UNC13C: variants seen among roughly 807,000 people sequenced by gnomAD.
UNC13C encodes protein unc-13 homolog C.
Under a neutral mutation model 245.4 loss-of-function variants are expected in UNC13C, and 174 were observed. The ratio of observed to expected loss-of-function variants is 0.71; its 90% confidence interval spans 0.63 to 0.80. The LOEUF (loss-of-function observed/expected upper bound fraction) is 0.80. Ranked by LOEUF, UNC13C falls within the 30% of genes least tolerant of loss-of-function variation. The pLI is 0.00. For synonymous variants in UNC13C, 992 were observed against 895.1 expected, an observed-to-expected ratio of 1.11 and a Z score of -1.93; for missense variants, 2,829 against 2,602.9, an observed-to-expected ratio of 1.09 and a Z score of -1.89.
At chr15:54,603,508 C>T (rs1290555738) in intron 30 of UNC13C, among the ~76,000 whole-genome samples, 1 of 152,140 alleles carries the variant, frequency 6.6e-6, no homozygotes, top group Admixed American at 6.6e-5. Context: ...TTGTTTAATA[C>T]TCCAGTGTGG....
chr15:54,079,263 CT>C (rs1302978076), intron 2 of UNC13C, among the ~76,000 whole-genome samples: 1 of 151,906 alleles, frequency 6.6e-6, no homozygotes, highest in Non-Finnish European at 1.5e-5. Flanking sequence ...TGGCTTTGTT[CT>C]TTTTTGCGTA....
At chr15:53,990,680 A>C (rs1894346038) in intron 1 of UNC13C, among the ~76,000 whole-genome samples, 1 of 152,028 alleles carries the variant, frequency 6.6e-6, no homozygotes, top group Non-Finnish European at 1.5e-5. Context: ...GAACCTCTAG[A>C]GCCATCTTGC....
chr15:53,956,836 T>C, the UNC13C span, among the ~76,000 whole-genome samples: 1 of 150,880 alleles, frequency 6.6e-6, no homozygotes, highest in Non-Finnish European at 1.5e-5. Flanking sequence ...GGGAGCATTG[T>C]TGGCTGGGTT....
At chr15:54,270,784 T>C (rs931190411) in intron 10 of UNC13C, among the ~76,000 whole-genome samples, 2 of 152,100 alleles carry the variant, frequency 1.3e-5, no homozygotes, top group Admixed American at 6.6e-5. Context: ...AAAGCTCAGA[T>C]GGGTTGTAGT....
chr15:54,260,543 T>A (rs775056604), intron 8 of UNC13C, among the ~76,000 whole-genome samples: 6 of 149,732 alleles, frequency 4.0e-5, no homozygotes, highest in Non-Finnish European at 8.9e-5. Flanking sequence ...TATGTATACA[T>A]ATATTCTATA....
intron 29 of UNC13C, among the ~76,000 whole-genome samples, chr15:54,558,948 A>C (rs1022959551): frequency 1.3e-5 from 2 of 151,952 alleles, no homozygotes; most frequent in African/African-American, 4.8e-5. Flanking sequence ...GATTCCCCTA[A>C]ATGTAGATTT....
intron 10 of UNC13C, among the ~76,000 whole-genome samples, chr15:54,286,976 A>G (rs971501713): frequency 1.3e-5 from 2 of 152,198 alleles, no homozygotes; most frequent in Non-Finnish European, 2.9e-5. Context: ...ATTATTTTTA[A>G]TTAAAGGAAA....
intron 29 of UNC13C, among the ~76,000 whole-genome samples, chr15:54,556,849 C>T (rs1177116430): frequency 5.3e-5 from 8 of 151,904 alleles, no homozygotes; most frequent in Non-Finnish European, 1.2e-4. Flanking sequence ...CAATGCATGG[C>T]TTTAGGAAAG....
At chr15:54,518,827 CA>C (rs1434485663) in intron 24 of UNC13C, among the ~76,000 whole-genome samples, 4 of 152,134 alleles carry the variant, frequency 2.6e-5, no homozygotes, top group Non-Finnish European at 1.5e-5. Context: ...CAGAGTAGGT[CA>C]GGGGAAAAGG....
chr15:54,073,642 G>A (rs143255257), intron 2 of UNC13C, among the ~76,000 whole-genome samples: 3 of 152,096 alleles, frequency 2.0e-5, no homozygotes, highest in Non-Finnish European at 4.4e-5. Flanking sequence ...GTGATGATGA[G>A]CATTTTTTCA....
At chr15:54,532,484 A>G (rs1262212902) in intron 25 of UNC13C, among the ~76,000 whole-genome samples, 1 of 152,208 alleles carries the variant, frequency 6.6e-6, no homozygotes, top group African/African-American at 2.4e-5. Context: ...ACACCATGAA[A>G]TACTATTCAG....
chr15:54,047,575 C>G lies in UNC13C; in HGVS notation c.2983+31689C>G, dbSNP rs76291132. Among the ~76,000 whole-genome samples the G allele has an allele frequency of 1.3e-3, 199 of 152,236 alleles. 5 individuals carry two copies. In the South Asian group the frequency reaches 0.027, roughly 21 times the overall value. Reference sequence around the variant, plus strand: ...AGGTTTATCCTGTTGTAGCATTTATCAGAATTTCATCCCTTTTTAAGGCTA... The same window carrying G: ...AGGTTTATCCTGTTGTAGCATTTATGAGAATTTCATCCCTTTTTAAGGCTA... On this transcript the variant is annotated intron_variant, in intron 2 of 32. Coordinates refer to ENST00000260323, the MANE Select transcript of UNC13C (RefSeq NM_001080534.3).
At chr15:54,258,432 C>T (rs2036336932) in intron 8 of UNC13C, among the ~76,000 whole-genome samples, 1 of 152,148 alleles carries the variant, frequency 6.6e-6, no homozygotes, top group African/African-American at 2.4e-5. Context: ...GGCACAATCT[C>T]GGCTCAGTGC....
At chr15:53,942,902 A>G in the UNC13C span, among the ~76,000 whole-genome samples, 16 of 152,262 alleles carry the variant, frequency 1.1e-4, no homozygotes, top group South Asian at 3.3e-3. Flanking sequence ...GCCTCAAGTG[A>G]TCCACCTGCC....
chr15:54,400,900 G>A (rs1182930073), intron 18 of UNC13C, among the ~76,000 whole-genome samples: 1 of 152,062 alleles, frequency 6.6e-6, no homozygotes, highest in Non-Finnish European at 1.5e-5. Flanking sequence ...AGAAAATGTG[G>A]CACATATACA....
the UNC13C span, among the ~76,000 whole-genome samples, chr15:53,908,483 A>T: frequency 6.9e-6 from 1 of 145,952 alleles, no homozygotes; most frequent in African/African-American, 2.4e-5. Context: ...GCATGCCTGT[A>T]ATCCTAGCAC....
intron 30 of UNC13C, among the ~76,000 whole-genome samples, chr15:54,604,854 T>C (rs1197422827): frequency 1.3e-5 from 2 of 152,176 alleles, no homozygotes; most frequent in African/African-American, 2.4e-5. Context: ...GTTCTCCTCA[T>C]GCTTAAAATG....
intron 4 of UNC13C, among the ~76,000 whole-genome samples, chr15:54,201,621 A>G (rs964698966): frequency 2.6e-5 from 4 of 151,994 alleles, no homozygotes; most frequent in African/African-American, 9.7e-5. Flanking sequence ...GGATCATTTT[A>G]TGATTAAAAT....
intron 4 of UNC13C, among the ~76,000 whole-genome samples, chr15:54,162,191 A>T (rs1348022286): frequency 1.3e-5 from 2 of 152,154 alleles, no homozygotes; most frequent in Non-Finnish European, 2.9e-5. Flanking sequence ...ACAGCAGATG[A>T]TCTATAACTG....
Sources: gnomAD v4.1 joint callset for allele counts (sites outside exome capture counted in the v4.1 genomes callset) on GRCh38, gnomAD v4.1.1 for gene constraint, MANE v1.5 for transcripts, NCBI Gene and HGNC (gene_info 2026-07-23, HGNC 2026-07-21) for gene names.